Variants in BIRC6 observed in about 807,000 individuals in gnomAD.
BIRC6 encodes the protein dual E2 ubiquitin-conjugating enzyme/E3 ubiquitin-protein ligase BIRC6.
Under a neutral mutation model 503.3 loss-of-function variants are expected in BIRC6, and 98 were observed. The observed-to-expected ratio is 0.19, with a 90% CI of 0.17 to 0.23. The LOEUF is 0.23. Ranked by LOEUF, BIRC6 falls within the 10% of genes least tolerant of loss-of-function variation. The pLI is 1.00. For synonymous variants in BIRC6, 2,240 were observed against 2,078.7 expected (o/e 1.08, Z -2.11); for missense variants, 5,360 against 5,806.0 (o/e 0.92, Z 2.50).
intron 1 of BIRC6, among the ~76,000 whole-genome samples, chr2:32,372,520 A>G (rs746681691): frequency 6.6e-6 from 1 of 152,050 alleles, no homozygotes; most frequent in South Asian, 2.1e-4. Context: ...GTATTGATGC[A>G]TCATTATTTG....
chr2:32,511,025 C>T (rs959879152), intron 53 of BIRC6, among the ~76,000 whole-genome samples: 1 of 152,038 alleles, frequency 6.6e-6, no homozygotes, highest in African/African-American at 2.4e-5. Flanking sequence ...GTAGTTGGTA[C>T]TTCAACTGTT....
In BIRC6 at chr2:32,493,580, C is replaced by T. The variant is rs776179928; in HGVS notation, c.8381C>T (p.Thr2794Ile). ...TATQAMQEFL[T>I]RLQVHLSSTC... ...ACACAAGCTATGCAAGAATTTCTTA[C>T]TCGATTACAAGTGCATCTTTCTTCA... is the stretch of plus-strand genomic sequence containing the variant. The change falls in exon 45 of 74, where the codon ACT (threonine) becomes ATT (isoleucine). Residue 2794 changes from threonine (T) to isoleucine (I), a missense_variant. This residue lies in a region of BIRC6 where 2,299 missense variants were observed against 2,267.2 expected (regional missense o/e 1.01). Transcript: ENST00000421745. 6.2e-7 allele frequency: 1 copy of T among 1,610,764 alleles called. No individual in the cohort carries two copies. The highest frequency in any genetic ancestry group is 8.5e-7 in the Non-Finnish European group (1 of 1,177,774).
In BIRC6 at chr2:32,524,157, A is replaced by G. The variant is rs190573153; in HGVS notation, c.11624-731A>G. On this transcript the variant is annotated intron_variant, in intron 57 of 73. Coordinates refer to ENST00000421745, the MANE Select transcript of BIRC6 (RefSeq NM_016252.4). ...TTTCTTAATAACTAAATCACATTAT[A>G]TGATCACCCATTTATTTTATAATTT... Among the ~76,000 whole-genome samples the G allele has an allele frequency of 2.4e-3, 362 of 152,310 alleles. 2 individuals are homozygous for G. Among genetic ancestry groups the G allele is most frequent in the Middle Eastern group, 6.9e-3 (2 of 288 alleles).
chr2:32,547,558 A>G (rs997863291), intron 63 of BIRC6, among the ~76,000 whole-genome samples: 3 of 152,218 alleles, frequency 2.0e-5, no homozygotes, highest in South Asian at 2.1e-4. Flanking sequence ...TTATGGCTCA[A>G]TAAATATCCT....
chr2:32,561,241 T>C (rs1348300701), intron 65 of BIRC6, among the ~76,000 whole-genome samples: 4 of 151,284 alleles, frequency 2.6e-5, no homozygotes, highest in Non-Finnish European at 5.9e-5. Context: ...TTTTTTTTTT[T>C]TTTCTTTTTT....
chr2:32,442,512 G>A, intron 19 of BIRC6, 57 bp downstream of exon 19: 1 of 1,485,030 alleles, frequency 6.7e-7, no homozygotes, highest in South Asian at 1.3e-5. Context: ...AATTTAGTGG[G>A]TGATACCTTG....
intron 23 of BIRC6, among the ~76,000 whole-genome samples, chr2:32,454,414 T>G (rs1229740168): frequency 6.6e-6 from 1 of 152,210 alleles, no homozygotes; most frequent in Non-Finnish European, 1.5e-5. Flanking sequence ...ATACCTTCAC[T>G]TAAAAATTAA....
intron 5 of BIRC6, 93 bp from the exon 6 acceptor site, chr2:32,395,418 C>T (rs777733497): frequency 7.3e-5 from 73 of 1,006,440 alleles, no homozygotes; most frequent in Non-Finnish European, 9.9e-5. Flanking sequence ...TAGAATTTTA[C>T]TTAAAATTAT....
intron 66 of BIRC6, among the ~76,000 whole-genome samples, chr2:32,592,425 C>T (rs1449298607): frequency 6.6e-6 from 1 of 152,140 alleles, no homozygotes; most frequent in Non-Finnish European, 1.5e-5. Flanking sequence ...ATTCAAAACA[C>T]ATGCATGATA....
chr2:32,448,439 A>G (rs909280685), intron 21 of BIRC6, among the ~76,000 whole-genome samples: 2 of 151,244 alleles, frequency 1.3e-5, no homozygotes, highest in Non-Finnish European at 3.0e-5. Context: ...ACTCGCGGTT[A>G]GGAGCTGGAG....
chr2:32,431,596 TTTGTTCCTTC>T (rs1157001051), intron 12 of BIRC6, among the ~76,000 whole-genome samples: 3 of 152,234 alleles, frequency 2.0e-5, no homozygotes, highest in Admixed American at 2.0e-4. Flanking sequence ...TGTTGATGAC[TTTGTTCCTTC>T]TATTTGTCAT....
intron 71 of BIRC6, among the ~76,000 whole-genome samples, chr2:32,605,550 A>T (rs957974880): frequency 7.3e-4 from 111 of 152,334 alleles, no homozygotes; most frequent in Non-Finnish European, 3.7e-4. Context: ...TTTGAAACTT[A>T]CCTCAGAAGT....
intron 47 of BIRC6, among the ~76,000 whole-genome samples, chr2:32,502,569 G>T (rs1357022137): frequency 6.6e-6 from 1 of 152,174 alleles, no homozygotes; most frequent in African/African-American, 2.4e-5. Flanking sequence ...TAAGAGAAAA[G>T]ATAATAATGG....
At chr2:32,365,252 G>C (rs1426200572) in intron 1 of BIRC6, among the ~76,000 whole-genome samples, 1 of 151,888 alleles carries the variant, frequency 6.6e-6, no homozygotes, top group Non-Finnish European at 1.5e-5. Flanking sequence ...TAACTCACTG[G>C]GTTATTGTAA....
At chr2:32,411,010 A>G (rs1035225716) in intron 9 of BIRC6, among the ~76,000 whole-genome samples, 2 of 148,544 alleles carry the variant, frequency 1.3e-5, no homozygotes, top group African/African-American at 5.0e-5. Flanking sequence ...TATTTGGGCA[A>G]CTTTCAAACC....
At chr2:32,598,069 A>G in intron 69 of BIRC6, 101 bp downstream of exon 69, 2 of 1,131,586 alleles carry the variant, frequency 1.8e-6, no homozygotes, top group Admixed American at 2.7e-5. Flanking sequence ...AATAAATTAT[A>G]CAAAACACTA....
intron 1 of BIRC6, among the ~76,000 whole-genome samples, chr2:32,369,372 T>A (rs2035442994): frequency 6.6e-6 from 1 of 152,066 alleles, no homozygotes; most frequent in Non-Finnish European, 1.5e-5. Context: ...ATTATTATAT[T>A]GATTAGTAGC....
intron 10 of BIRC6, among the ~76,000 whole-genome samples, chr2:32,425,034 A>G (rs557624024): frequency 6.7e-6 from 1 of 150,160 alleles, no homozygotes; most frequent in Non-Finnish European, 1.5e-5. Flanking sequence ...TCATGTGTTT[A>G]TTGGTGATTT....
chr2:32,425,543 C>G (rs2043395879), intron 10 of BIRC6, among the ~76,000 whole-genome samples: 2 of 151,080 alleles, frequency 1.3e-5, no homozygotes, highest in South Asian at 2.1e-4. Context: ...TGTGGTACCT[C>G]TAGAAATCTT....
Sources: allele counts gnomAD v4.1 joint callset (sites outside exome capture counted in the v4.1 genomes callset), GRCh38; gene constraint gnomAD v4.1.1; regional missense constraint gnomAD v4.1.1; transcripts MANE v1.5; gene names NCBI Gene and HGNC (gene_info 2026-07-23, HGNC 2026-07-21).